Variants in PHLDB2 observed in about 807,000 individuals in gnomAD.
PHLDB2 encodes pleckstrin homology like domain family B member 2.
In PHLDB2, 71 loss-of-function variants were observed where a neutral mutation model predicts 123.6. The ratio of observed to expected loss-of-function variants is 0.57; its 90% CI spans 0.47 to 0.70. The LOEUF (loss-of-function observed/expected upper bound fraction) is 0.70. Among genes scored for constraint, PHLDB2 ranks in the 30% least tolerant of loss-of-function variants. PHLDB2 has a pLI of 0.00. For synonymous variants in PHLDB2, 547 were observed against 541.6 expected, an observed-to-expected ratio of 1.01 and a Z score of -0.14; for missense variants, 1,446 against 1,519.5, an observed-to-expected ratio of 0.95 and a Z score of 0.80.
chr3:111,873,128 G>C (rs939302729), intron 1 of PHLDB2, among the ~76,000 whole-genome samples: 4 of 152,162 alleles, frequency 2.6e-5, no homozygotes, highest in Non-Finnish European at 4.4e-5. Context: ...CTGTTTCTAA[G>C]ATGTGGTTTA....
intron 1 of PHLDB2, among the ~76,000 whole-genome samples, chr3:111,818,671 G>A (rs1486789822): frequency 1.3e-5 from 2 of 152,130 alleles, no homozygotes; most frequent in Admixed American, 6.5e-5. Flanking sequence ...TAGCACCAGA[G>A]TGAAAGACAA....
At chr3:111,741,081 CTTGAA>C (rs984561953) in intron 1 of PHLDB2, among the ~76,000 whole-genome samples, 3 of 152,200 alleles carry the variant, frequency 2.0e-5, no homozygotes, top group African/African-American at 7.2e-5. Flanking sequence ...ACCATTGCTT[CTTGAA>C]TTGAACTGAA....
At position 111,780,257 on chromosome 3, in the gene PHLDB2, A is replaced by AAAG. The variant is rs1163547643; in HGVS notation, c.-49+47566_-49+47568dup. Among the ~76,000 whole-genome samples, 3 of 118,018 alleles carry AAAG rather than the reference A, an allele frequency of 2.5e-5. 1 individual carries two copies. The highest frequency in any genetic ancestry group is 1.3e-4 in the African/African-American group (3 of 23,740). The allele number at this position is 118,018 out of a possible 152,430, so 77.4% of individuals were successfully genotyped here. On this transcript the variant is annotated intron_variant, in intron 1 of 17. Transcript: ENST00000393923. ...AACGCAGGAGTGGGCTCCTGATTTA[A>AAAG]AAGAAGAAGAAGAAAAGAAGAAGAA...
chr3:111,782,608 C>T (rs1258517943), intron 1 of PHLDB2, among the ~76,000 whole-genome samples: 1 of 152,086 alleles, frequency 6.6e-6, no homozygotes, highest in Admixed American at 6.6e-5. Flanking sequence ...AGATCCTTCC[C>T]TGGCCCTTCC....
In PHLDB2 at chr3:111,920,298, C is replaced by A; in HGVS notation, c.1880C>A (p.Ala627Asp). Residue 627 changes from alanine (A) to aspartate (D), a missense_variant, in exon 5 of 18, where the codon GCT (alanine) becomes GAT (aspartate). Ala to Asp is a moderately radical substitution (Grantham distance 126). Transcript: ENST00000431670. ...ESFRELDMECALLDGEQKSET... is the reference protein window; with the variant it reads ...ESFRELDMECDLLDGEQKSET... The stretch of plus-strand genomic sequence containing the variant: ...TGTCCTTAGTTGGATATGGAATGTG[C>A]TCTTTTGGATGGAGAACAGAAATCT... The A allele has an allele frequency of 6.2e-7, 1 of 1,613,516 alleles. No individual in the cohort carries two copies. Among genetic ancestry groups the A allele is most frequent in the Non-Finnish European group, 8.5e-7 (1 of 1,179,774 alleles).
chr3:111,740,709 C>G (rs1366035893), intron 1 of PHLDB2, among the ~76,000 whole-genome samples: 1 of 29,020 alleles, frequency 3.4e-5, no homozygotes, highest in Non-Finnish European at 6.2e-5. Context: ...CAAAAGTCAC[C>G]CTTGGCTTGC....
intron 1 of PHLDB2, among the ~76,000 whole-genome samples, chr3:111,784,848 A>C (rs1183530740): frequency 6.6e-6 from 1 of 152,124 alleles, no homozygotes; most frequent in Non-Finnish European, 1.5e-5. Flanking sequence ...TTACTTGAAC[A>C]TGTCATACCT....
At chr3:111,860,705 G>A (rs2064791824) in intron 1 of PHLDB2, among the ~76,000 whole-genome samples, 1 of 152,068 alleles carries the variant, frequency 6.6e-6, no homozygotes, top group Non-Finnish European at 1.5e-5. Flanking sequence ...TTTTTCTCTC[G>A]GTAAACTACC....
At chr3:111,776,379 T>C (rs1228152971) in intron 1 of PHLDB2, among the ~76,000 whole-genome samples, 2 of 152,148 alleles carry the variant, frequency 1.3e-5, no homozygotes. Context: ...TCCCTTTCTA[T>C]TAATGTAACC....
chr3:111,940,657 CT>C lies in PHLDB2; in HGVS notation c.2397+16del. 6.8e-7 allele frequency: 1 copy of C among 1,468,458 alleles called. No individual in the cohort carries two copies. Among genetic ancestry groups the C allele is most frequent in the African/African-American group, 1.4e-5 (1 of 70,650 alleles). 91.0% of individuals were successfully genotyped at this position (1,468,458 alleles called of 1,614,324 possible). A position where few individuals can be genotyped will look rare whatever the true frequency, so the allele number is the denominator to read the frequency against. ...TGATGTTGCAAAGAGTAAGTATTTC[CT>C]TTTCAGCACTGGCTACAGTAAAACA... On this transcript the variant is annotated intron_variant, in intron 8 of 17. Transcript: ENST00000431670.
At position 111,884,980 on chromosome 3, in the gene PHLDB2, C is replaced by A; in HGVS notation, c.903C>A (p.Tyr301Ter). 2 of 1,614,084 alleles carry A rather than the reference C, an allele frequency of 1.2e-6. No individual in the cohort carries two copies. Among genetic ancestry groups the A allele is most frequent in the Non-Finnish European group, 1.7e-6 (2 of 1,180,002 alleles). ...LPHSVIDNDN[Y>*]LNFSSLSSGA... ...ATAGCGTAATAGACAATGACAATTA[C>A]CTTAATTTTTCTTCTTTGAGCTCAG... Residue 301 changes from tyrosine to a stop codon, truncating the protein, a stop_gained, in exon 2 of 18, where the codon TAC becomes TAA. Coordinates refer to ENST00000431670, the MANE Select transcript of PHLDB2 (RefSeq NM_001134438.2). LOFTEE classifies it high-confidence loss of function.
At chr3:111,756,592 C>A (rs2059894255) in intron 1 of PHLDB2, among the ~76,000 whole-genome samples, 1 of 152,176 alleles carries the variant, frequency 6.6e-6, no homozygotes, top group African/African-American at 2.4e-5. Flanking sequence ...TGGGTCTTGA[C>A]TCTTTATCCA....
At chr3:111,767,202 A>G (rs1353289749) in intron 1 of PHLDB2, among the ~76,000 whole-genome samples, 1 of 152,168 alleles carries the variant, frequency 6.6e-6, no homozygotes, top group East Asian at 1.9e-4. Flanking sequence ...CTCTGATTTG[A>G]GACAGAGAAC....
At chr3:111,915,366 T>G (rs1344841624) in intron 3 of PHLDB2, 1 of 152,222 alleles carries the variant, frequency 6.6e-6, no homozygotes, top group Non-Finnish European at 1.5e-5. Context: ...AGTGAGTTTT[T>G]CCATGATACA....
chr3:111,764,790 T>C (rs2060052377), intron 1 of PHLDB2, among the ~76,000 whole-genome samples: 1 of 152,214 alleles, frequency 6.6e-6, no homozygotes, highest in South Asian at 2.1e-4. Context: ...CCTGGAGTTG[T>C]GCAACAGAAT....
chr3:111,882,438 G>A (rs2065975974), intron 1 of PHLDB2, among the ~76,000 whole-genome samples: 1 of 152,212 alleles, frequency 6.6e-6, no homozygotes. Context: ...GACACATGCT[G>A]AGAAGAGTAT....
intron 6 of PHLDB2, among the ~76,000 whole-genome samples, chr3:111,937,320 G>A (rs1559911972): frequency 6.6e-6 from 1 of 152,126 alleles, no homozygotes; most frequent in Non-Finnish European, 1.5e-5. Flanking sequence ...TATCGATATA[G>A]AAATAACTTA....
intron 1 of PHLDB2, among the ~76,000 whole-genome samples, chr3:111,796,680 T>C (rs920858392): frequency 7.9e-5 from 12 of 152,128 alleles, no homozygotes; most frequent in Non-Finnish European, 1.8e-4. Context: ...ATTACAGGCA[T>C]GCATCTGGCT....
chr3:111,969,980 A>G (rs750631218), intron 16 of PHLDB2, 71 bp downstream of exon 16: 106 of 1,440,018 alleles, frequency 7.4e-5, no homozygotes, highest in Non-Finnish European at 9.9e-5. Context: ...AAGGCAATTG[A>G]AATTCAGTGT....
Sources: gnomAD v4.1 joint callset for allele counts (sites outside exome capture counted in the v4.1 genomes callset) on GRCh38, gnomAD v4.1.1 for gene constraint, MANE v1.5 for transcripts, NCBI Gene and HGNC (gene_info 2026-07-23, HGNC 2026-07-21) for gene names.